NSMCE2: variants seen among roughly 807,000 people sequenced by gnomAD.
NSMCE2 encodes NSE2 SUMO ligase component of SMC5/6 complex, also known as E3 SUMO-protein ligase NSE2.
A neutral mutation model predicts 23.8 loss-of-function variants in NSMCE2; 24 were observed. The observed-to-expected ratio is 1.01, with a 90% CI of 0.73 to 1.42. The LOEUF (loss-of-function observed/expected upper bound fraction) is 1.42, where lower values mean the gene tolerates loss of function less well. NSMCE2 is among the 40% of genes most tolerant of loss of function. The probability of loss-of-function intolerance (pLI) is 0.00; values close to 1 mark genes in which losing one functional copy is unlikely to be tolerated. For synonymous variants in NSMCE2, 92 were observed against 94.1 expected (o/e 0.98, Z 0.13); for missense variants, 284 against 296.5 (o/e 0.96, Z 0.31).
At chr8:125,116,988 A>G (rs535961559) in intron 3 of NSMCE2, among the ~76,000 whole-genome samples, 1 of 151,572 alleles carries the variant, frequency 6.6e-6, no homozygotes, top group Admixed American at 6.6e-5. Flanking sequence ...CCTGGGTTCA[A>G]ACAGTTTTCC....
chr8:125,260,513 A>G (rs2131046203), intron 5 of NSMCE2, among the ~76,000 whole-genome samples: 1 of 147,168 alleles, frequency 6.8e-6, no homozygotes, highest in South Asian at 2.3e-4. Flanking sequence ...CACTTAGTGG[A>G]CGTTGAACCT....
At chr8:125,353,382 GC>G (rs1813118780) in intron 5 of NSMCE2, among the ~76,000 whole-genome samples, 1 of 152,132 alleles carries the variant, frequency 6.6e-6, no homozygotes, top group Non-Finnish European at 1.5e-5. Context: ...CTTCTCCTTG[GC>G]TTTTCTCCTT....
intron 3 of NSMCE2, among the ~76,000 whole-genome samples, chr8:125,142,939 G>T (rs1249492642): frequency 6.6e-6 from 1 of 152,216 alleles, no homozygotes; most frequent in African/African-American, 2.4e-5. Flanking sequence ...TAATATCTAT[G>T]TGGAGGAATA....
chr8:125,283,907 A>G (rs1293477483), intron 5 of NSMCE2, among the ~76,000 whole-genome samples: 1 of 152,180 alleles, frequency 6.6e-6, no homozygotes, highest in Non-Finnish European at 1.5e-5. Flanking sequence ...TAATCCCAGC[A>G]TTTTGGGAGG....
In NSMCE2 at chr8:125,353,245, TA is replaced by T. The variant is rs561766727; in HGVS notation, c.419-3971del. Among the ~76,000 whole-genome samples the T allele has an allele frequency of 7.9e-5, 12 of 152,340 alleles. No individual in the cohort carries two copies. In the South Asian group the frequency reaches 2.3e-3, roughly 29 times the overall value. On this transcript the variant is annotated intron_variant, in intron 5 of 7. Coordinates refer to ENST00000287437, the MANE Select transcript of NSMCE2 (RefSeq NM_173685.4). ...GTCAGAAACCAGCATCAGTTCAGAA[TA>T]AATGGTGTACAAAATTAAGAAAGAG... is the stretch of plus-strand genomic sequence containing the variant.
intron 5 of NSMCE2, among the ~76,000 whole-genome samples, chr8:125,269,323 GTGATCACCTTC>G (rs1827079164): frequency 6.6e-6 from 1 of 152,164 alleles, no homozygotes; most frequent in South Asian, 2.1e-4. Context: ...CTGACCTCAA[GTGATCACCTTC>G]CTCCGCCTCC....
intron 5 of NSMCE2, among the ~76,000 whole-genome samples, chr8:125,271,517 G>A (rs1046185706): frequency 3.9e-5 from 6 of 152,152 alleles, no homozygotes; most frequent in Admixed American, 6.5e-5. Context: ...TCAGCCTTTG[G>A]TTATCTTGGA....
At chr8:125,347,252 C>A (rs1333815307) in intron 5 of NSMCE2, among the ~76,000 whole-genome samples, 1 of 152,148 alleles carries the variant, frequency 6.6e-6, no homozygotes, top group African/African-American at 2.4e-5. Context: ...TAGAACCAGG[C>A]AAATCCAAGC....
chr8:125,286,344 G>A (rs1205813701), intron 5 of NSMCE2, among the ~76,000 whole-genome samples: 7 of 144,516 alleles, frequency 4.8e-5, no homozygotes, highest in Middle Eastern at 3.7e-3. Context: ...ATGGAGTCTC[G>A]CCCTGTCACC....
chr8:125,104,539 C>T (rs892095101), intron 3 of NSMCE2, among the ~76,000 whole-genome samples: 15 of 152,214 alleles, frequency 9.9e-5, no homozygotes, highest in African/African-American at 3.6e-4. Flanking sequence ...GTCCTAGGTC[C>T]TACGTGACTG....
At chr8:125,177,472 C>T (rs1795028618) in intron 4 of NSMCE2, among the ~76,000 whole-genome samples, 1 of 152,224 alleles carries the variant, frequency 6.6e-6, no homozygotes, top group African/African-American at 2.4e-5. Context: ...TTGGTTCACA[C>T]AGAACTCTGT....
intron 5 of NSMCE2, among the ~76,000 whole-genome samples, chr8:125,327,652 T>C (rs1041853725): frequency 2.7e-5 from 4 of 148,372 alleles, no homozygotes; most frequent in African/African-American, 9.8e-5. Flanking sequence ...CATACAGGTG[T>C]TGGGCACAGA....
At chr8:125,226,641 C>T (rs1425151901) in intron 5 of NSMCE2, among the ~76,000 whole-genome samples, 1 of 152,082 alleles carries the variant, frequency 6.6e-6, no homozygotes. Context: ...CGCCACTTGT[C>T]TGAGAGGGAG....
chr8:125,250,047 T>C (rs901800435), intron 5 of NSMCE2, among the ~76,000 whole-genome samples: 1 of 152,238 alleles, frequency 6.6e-6, no homozygotes, highest in Non-Finnish European at 1.5e-5. Flanking sequence ...TGGAGTGCAA[T>C]GGCGCAATCT....
intron 4 of NSMCE2, among the ~76,000 whole-genome samples, chr8:125,166,459 G>A (rs943167183): frequency 6.6e-6 from 1 of 152,092 alleles, no homozygotes. Context: ...TAGAGATGGG[G>A]ATTCATCATG....
intron 1 of NSMCE2, among the ~76,000 whole-genome samples, chr8:125,101,848 CT>C (rs1406884234): frequency 1.3e-5 from 2 of 151,980 alleles, no homozygotes; most frequent in African/African-American, 4.8e-5. Context: ...TAGATTTTCT[CT>C]TTTTTTTACA....
chr8:125,116,052 A>G lies in NSMCE2; in HGVS notation c.157+13565A>G, dbSNP rs117640147. On this transcript the variant is annotated intron_variant, in intron 3 of 7. Transcript: ENST00000287437. The stretch of plus-strand genomic sequence containing the variant: ...ACCCAGTTTGCCCAACTCCAGCCCC[A>G]TGACCTCGATTTATCTGTAGTCTCT... Among the ~76,000 whole-genome samples, 329 of 152,282 alleles carry G rather than the reference A, an allele frequency of 2.2e-3. 11 individuals are homozygous for G. The East Asian group carries it at 0.052, about 24-fold the overall frequency.
At chr8:125,150,037 TA>T (rs1450618311) in intron 3 of NSMCE2, among the ~76,000 whole-genome samples, 2 of 152,136 alleles carry the variant, frequency 1.3e-5, no homozygotes, top group African/African-American at 4.8e-5. Flanking sequence ...GATCAGAGAC[TA>T]GGGTCTCTGG....
chr8:125,124,019 A>G (rs1370189635), intron 3 of NSMCE2: 1 of 152,190 alleles, frequency 6.6e-6, no homozygotes, highest in African/African-American at 2.4e-5. Flanking sequence ...CAAAAAAAGA[A>G]ACCCTGTACC....
Sources: allele counts gnomAD v4.1 joint callset (sites outside exome capture counted in the v4.1 genomes callset), GRCh38; gene constraint gnomAD v4.1.1; transcripts MANE v1.5; gene names NCBI Gene and HGNC (gene_info 2026-07-23, HGNC 2026-07-21).